EYS: variants seen among roughly 807,000 people sequenced by gnomAD.
EYS encodes EGF-like photoreceptor maintenance factor, also known as protein eyes shut homolog.
A neutral mutation model predicts 282.1 loss-of-function variants in EYS; 250 were observed. That is an observed-to-expected ratio of 0.89 (90% CI 0.80 to 0.98). The LOEUF (loss-of-function observed/expected upper bound fraction) is 0.98, where lower values mean the gene tolerates loss of function less well. Among genes scored for constraint, EYS ranks in the 50% least tolerant of loss-of-function variants. The pLI, the probability that EYS is intolerant of heterozygous loss-of-function variation, is 0.00. For missense variants in EYS, 4,016 were observed against 3,709.0 expected (o/e 1.08, Z -2.15); for synonymous variants, 1,355 against 1,282.9 (o/e 1.06, Z -1.20).
intron 33 of EYS, among the ~76,000 whole-genome samples, chr6:64,053,322 G>A (rs1770876180): frequency 6.6e-6 from 1 of 152,040 alleles, no homozygotes; most frequent in Non-Finnish European, 1.5e-5. Context: ...TTACAGTTGA[G>A]CTTCCAAAAT....
intron 12 of EYS, among the ~76,000 whole-genome samples, chr6:65,127,574 T>G (rs1775755774): frequency 6.6e-6 from 1 of 152,140 alleles, no homozygotes; most frequent in Admixed American, 6.6e-5. Flanking sequence ...AAAAACAATT[T>G]ACTGTAGCTG....
intron 12 of EYS, among the ~76,000 whole-genome samples, chr6:65,263,935 A>G (rs1767685088): frequency 1.3e-5 from 2 of 152,072 alleles, no homozygotes; most frequent in South Asian, 4.1e-4. Flanking sequence ...AGGAAGTAGA[A>G]AAAAACACAG....
intron 26 of EYS, among the ~76,000 whole-genome samples, chr6:64,546,465 G>A (rs983089228): frequency 6.6e-5 from 10 of 152,140 alleles, no homozygotes; most frequent in African/African-American, 2.4e-4. Context: ...GCATGGGCAA[G>A]GACTTCATGT....
At chr6:64,936,464 G>GA (rs1040031585) in intron 15 of EYS, among the ~76,000 whole-genome samples, 1 of 150,920 alleles carries the variant, frequency 6.6e-6, no homozygotes, top group Non-Finnish European at 1.5e-5. Context: ...ACATAAAACA[G>GA]AAAAAAACGT....
chr6:65,404,958 A>C (rs2150365331), intron 6 of EYS, among the ~76,000 whole-genome samples: 1 of 152,122 alleles, frequency 6.6e-6, no homozygotes, highest in Middle Eastern at 3.4e-3. Context: ...AGAGTGTACA[A>C]ATTTATATTC....
At chr6:65,700,208 C>T (rs187922981) in intron 1 of EYS, among the ~76,000 whole-genome samples, 83 of 149,394 alleles carry the variant, frequency 5.6e-4, no homozygotes, top group African/African-American at 1.9e-3. Context: ...TTGGAGAGAT[C>T]ATAGCTGCTC....
chr6:64,516,584 T>C (rs1002741959), intron 26 of EYS, among the ~76,000 whole-genome samples: 5 of 74,156 alleles, frequency 6.7e-5, no homozygotes, highest in Non-Finnish European at 9.4e-5. Context: ...TCACTTGAAG[T>C]TGAGTCTGAA....
chr6:64,397,779 A>T (rs1425898660), intron 28 of EYS, among the ~76,000 whole-genome samples: 2 of 151,680 alleles, frequency 1.3e-5, no homozygotes, highest in Non-Finnish European at 2.9e-5. Flanking sequence ...GCTCTTTATG[A>T]TTTCCTTCCT....
intron 35 of EYS, among the ~76,000 whole-genome samples, chr6:63,952,087 C>T (rs1425270457): frequency 6.6e-6 from 1 of 152,206 alleles, no homozygotes; most frequent in Non-Finnish European, 1.5e-5. Flanking sequence ...AGGCAAAACC[C>T]AGCCGCACCT....
intron 22 of EYS, among the ~76,000 whole-genome samples, chr6:64,774,337 T>C (rs1773614348): frequency 6.6e-6 from 1 of 151,910 alleles, no homozygotes; most frequent in Non-Finnish European, 1.5e-5. Context: ...CATAAGTCCA[T>C]AGTTGTAACT....
At chr6:65,552,573 G>A (rs892194619) in intron 2 of EYS, among the ~76,000 whole-genome samples, 4 of 151,544 alleles carry the variant, frequency 2.6e-5, no homozygotes, top group African/African-American at 4.9e-5. Flanking sequence ...CTCATATATC[G>A]AGAATGACAC....
At chr6:63,934,175 A>G (rs1448413007) in intron 35 of EYS, among the ~76,000 whole-genome samples, 1 of 152,224 alleles carries the variant, frequency 6.6e-6, no homozygotes, top group African/African-American at 2.4e-5. Flanking sequence ...GCCATCAGAG[A>G]AATGCAAATC....
chr6:65,194,009 A>G (rs751762925), intron 12 of EYS, among the ~76,000 whole-genome samples: 1 of 151,920 alleles, frequency 6.6e-6, no homozygotes, highest in Non-Finnish European at 1.5e-5. Context: ...ATTCAAATGG[A>G]TTTCCTTTGA....
intron 14 of EYS, among the ~76,000 whole-genome samples, chr6:64,997,271 C>G (rs1227332727): frequency 6.6e-6 from 1 of 152,100 alleles, no homozygotes; most frequent in East Asian, 1.9e-4. Flanking sequence ...AAGACTCACA[C>G]AGTGCCTTTC....
intron 42 of EYS, among the ~76,000 whole-genome samples, chr6:63,725,790 A>G (rs1012247551): frequency 3.3e-5 from 5 of 152,138 alleles, no homozygotes; most frequent in Non-Finnish European, 5.9e-5. Context: ...ATTTTTGCTA[A>G]TGATGTGAAA....
intron 36 of EYS, among the ~76,000 whole-genome samples, chr6:63,849,214 C>T (rs1772178618): frequency 6.6e-6 from 1 of 152,200 alleles, no homozygotes; most frequent in Admixed American, 6.5e-5. Flanking sequence ...AAACTCCCAT[C>T]TCCCTGGGAC....
At chr6:65,014,342 C>A (rs1241006287) in intron 13 of EYS, among the ~76,000 whole-genome samples, 1 of 152,050 alleles carries the variant, frequency 6.6e-6, no homozygotes, top group East Asian at 1.9e-4. Flanking sequence ...TTTTGACTTG[C>A]AGAAATTGTA....
At chr6:64,392,458 T>G (rs1412109313) in intron 28 of EYS, among the ~76,000 whole-genome samples, 1 of 151,074 alleles carries the variant, frequency 6.6e-6, no homozygotes, top group Non-Finnish European at 1.5e-5. Flanking sequence ...AAACTAGAAC[T>G]CAGGACTAAG....
At chr6:65,066,652 G>C (rs1293457110) in intron 12 of EYS, among the ~76,000 whole-genome samples, 1 of 152,066 alleles carries the variant, frequency 6.6e-6, no homozygotes. Context: ...ATATTCAAAA[G>C]ACTGAATACA....
Sources: gnomAD v4.1 joint callset for allele counts (sites outside exome capture counted in the v4.1 genomes callset) on GRCh38, gnomAD v4.1.1 for gene constraint, MANE v1.5 for transcripts, NCBI Gene and HGNC (gene_info 2026-07-23, HGNC 2026-07-21) for gene names.